Variants in STARD13 observed in about 807,000 individuals in gnomAD.
STARD13 encodes the protein StAR related lipid transfer domain containing 13.
STARD13 carries 62 observed loss-of-function variants against 106.4 expected under a neutral mutation model. That is an observed-to-expected ratio of 0.58 (90% CI 0.48 to 0.72). The LOEUF (loss-of-function observed/expected upper bound fraction) is 0.72, where lower values mean the gene tolerates loss of function less well. Among genes scored for constraint, STARD13 ranks in the 30% least tolerant of loss-of-function variants. STARD13 has a pLI of 0.00. For synonymous variants in STARD13, 565 were observed against 553.0 expected, an observed-to-expected ratio of 1.02 and a Z score of -0.31; for missense variants, 1,387 against 1,424.0, an observed-to-expected ratio of 0.97 and a Z score of 0.42.
chr13:33,297,192 A>G (rs1265457418), intron 1 of STARD13, among the ~76,000 whole-genome samples: 1 of 152,252 alleles, frequency 6.6e-6, no homozygotes, highest in Non-Finnish European at 1.5e-5. Context: ...GAGCACCACC[A>G]TAATCACACT....
chr13:33,401,274 G>A, the STARD13 span, among the ~76,000 whole-genome samples: 1 of 152,134 alleles, frequency 6.6e-6, no homozygotes, highest in African/African-American at 2.4e-5. Context: ...AAACTAGGAT[G>A]GAGTTTTGAA....
At chr13:33,499,604 T>TTCTTCTTCTTCTTCTTC in the STARD13 span, among the ~76,000 whole-genome samples, 56 of 39,900 alleles carry the variant, frequency 1.4e-3, 1 homozygote, top group African/African-American at 4.1e-3. Context: ...CTTCTTCTTC[T>TTCTTCTTCTTCTTCTTC]TTCTTCTTCT....
the STARD13 span, among the ~76,000 whole-genome samples, chr13:33,612,613 C>T: frequency 1.1e-3 from 170 of 152,298 alleles, no homozygotes; most frequent in African/African-American, 3.9e-3. Flanking sequence ...TTTCTCTTGT[C>T]TATTCCCCTT....
the STARD13 span, among the ~76,000 whole-genome samples, chr13:33,504,093 A>C: frequency 2.2e-4 from 34 of 152,228 alleles, no homozygotes; most frequent in African/African-American, 8.0e-4. Flanking sequence ...ATCATTAAAA[A>C]GTCTGGAAAC....
the STARD13 span, among the ~76,000 whole-genome samples, chr13:33,541,714 C>T: frequency 6.6e-6 from 1 of 152,156 alleles, no homozygotes; most frequent in Non-Finnish European, 1.5e-5. Context: ...CTTTGAAATC[C>T]AGATAAAAGT....
the STARD13 span, among the ~76,000 whole-genome samples, chr13:33,525,808 G>A: frequency 1.3e-5 from 2 of 152,136 alleles, no homozygotes; most frequent in African/African-American, 2.4e-5. Flanking sequence ...TTTTTGGTGG[G>A]AGGGGGAATG....
Position 33,163,621 on chromosome 13 carries a change from TATAAAAC to T in STARD13, c.323+1709_323+1715del, listed in dbSNP as rs1566038526. ...AAAAAAAAAAATATATATATATATA[TATAAAAC>T]ATATATATATAACATATATATATAT... On this transcript the variant is annotated intron_variant, in intron 3 of 13. Transcript: ENST00000336934. 3.1e-3 allele frequency among the ~76,000 whole-genome samples: 401 copies of T among 129,166 alleles called. 2 individuals are homozygous for T. The highest frequency in any genetic ancestry group is 0.012 in the African/African-American group (372 of 31,130). The allele number at this position is 129,166 out of a possible 152,430, so 84.7% of individuals were successfully genotyped here. A position where few individuals can be genotyped will look rare whatever the true frequency, so the allele number is the denominator to read the frequency against.
At chr13:33,510,965 C>A in the STARD13 span, among the ~76,000 whole-genome samples, 2 of 152,096 alleles carry the variant, frequency 1.3e-5, no homozygotes, top group South Asian at 4.1e-4. Context: ...CATTTAAATT[C>A]TTTCAAAGAG....
chr13:33,153,461 G>A (rs183425002), intron 3 of STARD13, among the ~76,000 whole-genome samples: 1 of 152,134 alleles, frequency 6.6e-6, no homozygotes, highest in South Asian at 2.1e-4. Flanking sequence ...CCAGAGAAAC[G>A]CTGGGCGACT....
the STARD13 span, among the ~76,000 whole-genome samples, chr13:33,404,867 C>A: frequency 6.6e-6 from 1 of 151,632 alleles, no homozygotes; most frequent in Non-Finnish European, 1.5e-5. Context: ...ACCTCGGCCT[C>A]CCAGGTTCAA....
At chr13:33,376,738 C>T in the STARD13 span, among the ~76,000 whole-genome samples, 1 of 152,004 alleles carries the variant, frequency 6.6e-6, no homozygotes, top group Non-Finnish European at 1.5e-5. Flanking sequence ...CTGACAGAGA[C>T]CAAAGAAAGA....
At chr13:33,453,427 C>A in the STARD13 span, among the ~76,000 whole-genome samples, 1 of 152,142 alleles carries the variant, frequency 6.6e-6, no homozygotes, top group Non-Finnish European at 1.5e-5. Flanking sequence ...TGAATAAATC[C>A]TAAGTGCTTT....
chr13:33,224,843 A>G (rs1209383348), intron 1 of STARD13, among the ~76,000 whole-genome samples: 3 of 152,164 alleles, frequency 2.0e-5, no homozygotes, highest in African/African-American at 7.2e-5. Context: ...ATCTTTGTAC[A>G]TTTTCCTCTC....
At chr13:33,125,973 A>G in intron 7 of STARD13, 108 bp downstream of exon 7, 1 of 1,178,180 alleles carries the variant, frequency 8.5e-7, no homozygotes, top group Admixed American at 2.1e-5. Context: ...ATTTTTGGTG[A>G]GGCATGTCTT....
intron 1 of STARD13, chr13:33,350,143 G>A (rs1295952396): frequency 8.6e-7 from 1 of 1,166,364 alleles, no homozygotes; most frequent in Non-Finnish European, 1.1e-6. Context: ...CCCAGGGAGG[G>A]TGGTGCCCGC....
At chr13:33,183,792 C>T (rs527276136) in intron 1 of STARD13, among the ~76,000 whole-genome samples, 6 of 152,232 alleles carry the variant, frequency 3.9e-5, no homozygotes, top group African/African-American at 1.4e-4. Flanking sequence ...CAGTCAGGAC[C>T]ACCCAAAATC....
the STARD13 span, among the ~76,000 whole-genome samples, chr13:33,384,667 T>A: frequency 6.6e-6 from 1 of 152,332 alleles, no homozygotes; most frequent in East Asian, 1.9e-4. Context: ...ACTACTCTAA[T>A]GGTTTAGTTA....
chr13:33,119,348 G>A (rs1875898957), intron 7 of STARD13, among the ~76,000 whole-genome samples: 1 of 152,158 alleles, frequency 6.6e-6, no homozygotes, highest in Non-Finnish European at 1.5e-5. Flanking sequence ...AAGCAAGGTA[G>A]AACCTTCCTG....
At chr13:33,246,243 A>G (rs1333849354) in intron 1 of STARD13, among the ~76,000 whole-genome samples, 1 of 152,196 alleles carries the variant, frequency 6.6e-6, no homozygotes, top group Non-Finnish European at 1.5e-5. Context: ...GGTAAGGAGA[A>G]GTGACTTAAG....
Sources: gnomAD v4.1 joint callset for allele counts (sites outside exome capture counted in the v4.1 genomes callset) on GRCh38, gnomAD v4.1.1 for gene constraint, MANE v1.5 for transcripts, NCBI Gene and HGNC (gene_info 2026-07-23, HGNC 2026-07-21) for gene names.